Variants in PEX14 observed in about 807,000 individuals in gnomAD.
The protein encoded by PEX14 is peroxisomal biogenesis factor 14, also known as peroxisomal membrane protein PEX14.
Under a neutral mutation model 49.5 loss-of-function variants are expected in PEX14, and 15 were observed. The ratio of observed to expected loss-of-function variants is 0.30; its 90% CI spans 0.20 to 0.47. The LOEUF (loss-of-function observed/expected upper bound fraction) is 0.47. Among genes scored for constraint, PEX14 ranks in the 20% least tolerant of loss-of-function variants. The probability of loss-of-function intolerance (pLI) is 1.00; values close to 1 mark genes in which losing one functional copy is unlikely to be tolerated. For missense variants in PEX14, 398 were observed against 494.8 expected, an observed-to-expected ratio of 0.80 and a Z score of 1.86; for synonymous variants, 210 against 212.7, an observed-to-expected ratio of 0.99 and a Z score of 0.11.
intron 5 of PEX14, 137 bp downstream of exon 5, chr1:10,618,554 A>C: frequency 2.7e-6 from 2 of 744,400 alleles, no homozygotes; most frequent in East Asian, 5.4e-5. Flanking sequence ...GCTGTGGTAG[A>C]GGTCGGGGTT....
At chr1:10,553,809 C>G (rs1639402913) in intron 3 of PEX14, among the ~76,000 whole-genome samples, 1 of 152,142 alleles carries the variant, frequency 6.6e-6, no homozygotes, top group South Asian at 2.1e-4. Context: ...GTTATATCTG[C>G]ATGTGTTTCC....
chr1:10,526,001 A>G (rs1638466150), intron 2 of PEX14, among the ~76,000 whole-genome samples: 1 of 143,254 alleles, frequency 7.0e-6, no homozygotes, highest in Non-Finnish European at 1.5e-5. Flanking sequence ...GGCTCACTGC[A>G]ACCTCTGTCT....
In PEX14 at chr1:10,583,089, T is replaced by C. The variant is rs538517578; in HGVS notation, c.170-16149T>C. 2.0e-4 allele frequency among the ~76,000 whole-genome samples: 31 copies of C among 152,192 alleles called. 2 individuals are homozygous for C. The South Asian group carries it at 5.8e-3, about 29-fold the overall frequency. On this transcript the variant is annotated intron_variant, in intron 3 of 8. Transcript: ENST00000356607. ...GGGATTCTTGGAGATTCTGAGGAGA[T>C]ATTTCAGGGGCAAAGAGGGAATCAA...
At position 10,518,463 on chromosome 1, in the gene PEX14, G is replaced by A. The variant is rs530226284; in HGVS notation, c.85-17750G>A. ...TCCCGTTTCACAGACTGGACCCTCT[G>A]TGAAGGGCTGAAAAAATAAAATATA... is the stretch of plus-strand genomic sequence containing the variant. On this transcript the variant is annotated intron_variant, in intron 2 of 8. Transcript: ENST00000356607. Among the ~76,000 whole-genome samples the A allele has an allele frequency of 5.9e-5, 9 of 152,222 alleles. No individual in the cohort carries two copies. In the South Asian group the frequency reaches 1.9e-3, roughly 32 times the overall value.
intron 3 of PEX14, among the ~76,000 whole-genome samples, chr1:10,581,737 A>G (rs1231546002): frequency 6.9e-6 from 1 of 145,478 alleles, no homozygotes; most frequent in Non-Finnish European, 1.5e-5. Flanking sequence ...ATAATAATTT[A>G]TATTTTATTT....
intron 2 of PEX14, among the ~76,000 whole-genome samples, chr1:10,509,345 G>A (rs2124432872): frequency 6.6e-6 from 1 of 152,328 alleles, no homozygotes; most frequent in South Asian, 2.1e-4. Flanking sequence ...ACGAGAAATA[G>A]TGGCACATCA....
chr1:10,543,565 AG>A (rs1639080706), intron 3 of PEX14, among the ~76,000 whole-genome samples: 1 of 152,188 alleles, frequency 6.6e-6, no homozygotes, highest in South Asian at 2.1e-4. Flanking sequence ...GTGAGGAAAA[AG>A]AAGGGAAGAG....
chr1:10,570,852 T>TTTTTTG (rs1557850882), intron 3 of PEX14, among the ~76,000 whole-genome samples: 1 of 71,618 alleles, frequency 1.4e-5, no homozygotes, highest in Non-Finnish European at 3.8e-5. Flanking sequence ...AACAGGGTTT[T>TTTTTTG]TTTTTTTTTT....
chr1:10,528,921 C>A (rs139866892), intron 2 of PEX14, among the ~76,000 whole-genome samples: 1 of 152,312 alleles, frequency 6.6e-6, no homozygotes, highest in Admixed American at 6.5e-5. Context: ...TGTATAATGG[C>A]ATTTTCCTCC....
At chr1:10,550,318 A>G (rs1181108834) in intron 3 of PEX14, among the ~76,000 whole-genome samples, 2 of 152,222 alleles carry the variant, frequency 1.3e-5, no homozygotes, top group Non-Finnish European at 2.9e-5. Flanking sequence ...GTGAGTGAAA[A>G]TGAGAGTGAC....
intron 4 of PEX14, among the ~76,000 whole-genome samples, chr1:10,614,833 C>G (rs1641367518): frequency 6.6e-6 from 1 of 152,324 alleles, no homozygotes; most frequent in Non-Finnish European, 1.5e-5. Flanking sequence ...CCAGGTTGCT[C>G]TGTCTTCACT....
chr1:10,624,266 A>G, intron 6 of PEX14, 74 bp from the exon 7 acceptor site: 2 of 926,746 alleles, frequency 2.2e-6, no homozygotes, highest in Non-Finnish European at 3.6e-6. Flanking sequence ...GGCAGCTCCG[A>G]GGTGTGCGGA....
In PEX14 at chr1:10,600,929, C is replaced by T. The variant is rs1390994362; in HGVS notation, c.298+1563C>T. ...CGGGTGGATCATGAGGTCAGGAGTT[C>T]GAGACCACCCTGGGCAACAAGAGCA... On this transcript the variant is annotated intron_variant, in intron 4 of 8. Coordinates refer to ENST00000356607, the MANE Select transcript of PEX14 (RefSeq NM_004565.3). 1.1e-4 allele frequency among the ~76,000 whole-genome samples: 16 copies of T among 147,024 alleles called. No individual in the cohort carries two copies. The South Asian group carries it at 1.1e-3, about 10-fold the overall frequency.
At chr1:10,554,303 CAAAA>C (rs61712771) in intron 3 of PEX14, among the ~76,000 whole-genome samples, 1 of 121,860 alleles carries the variant, frequency 8.2e-6, no homozygotes, top group Non-Finnish European at 1.7e-5. Flanking sequence ...GACTCCGTCT[CAAAA>C]AAAAAAAAAA....
intron 4 of PEX14, among the ~76,000 whole-genome samples, chr1:10,599,837 C>G (rs534299404): frequency 7.9e-5 from 12 of 152,170 alleles, no homozygotes; most frequent in Non-Finnish European, 1.8e-4. Flanking sequence ...CTTGTCCTGG[C>G]TATACTTTGT....
chr1:10,555,746 G>A (rs563380383), intron 3 of PEX14, among the ~76,000 whole-genome samples: 2 of 152,220 alleles, frequency 1.3e-5, no homozygotes, highest in South Asian at 4.1e-4. Context: ...ATCAGCACCT[G>A]TGTGCTGTCA....
At chr1:10,563,950 T>C (rs1326837647) in intron 3 of PEX14, among the ~76,000 whole-genome samples, 1 of 152,098 alleles carries the variant, frequency 6.6e-6, no homozygotes, top group Admixed American at 6.6e-5. Flanking sequence ...ATTTTCTGGC[T>C]TCTATTGTCA....
intron 3 of PEX14, among the ~76,000 whole-genome samples, chr1:10,581,230 C>T (rs1640305734): frequency 6.6e-6 from 1 of 151,662 alleles, no homozygotes; most frequent in African/African-American, 2.4e-5. Flanking sequence ...GTCTGGAATC[C>T]CATGAGGGCA....
At chr1:10,558,434 A>G (rs1639557196) in intron 3 of PEX14, among the ~76,000 whole-genome samples, 1 of 152,124 alleles carries the variant, frequency 6.6e-6, no homozygotes, top group Admixed American at 6.6e-5. Flanking sequence ...ATTACATTCA[A>G]CATAGAAATT....
Sources: gnomAD v4.1 joint callset for allele counts (sites outside exome capture counted in the v4.1 genomes callset) on GRCh38, gnomAD v4.1.1 for gene constraint, MANE v1.5 for transcripts, NCBI Gene and HGNC (gene_info 2026-07-23, HGNC 2026-07-21) for gene names.